The following CSMD1 variants were observed in gnomAD, a reference collection of about 807,000 sequenced individuals.
The protein encoded by CSMD1 is CUB and sushi domain-containing protein 1.
A neutral mutation model predicts 417.5 loss-of-function variants in CSMD1; 213 were observed. The ratio of observed to expected loss-of-function variants is 0.51; its 90% confidence interval spans 0.46 to 0.57. CSMD1 has a LOEUF of 0.57. Among genes scored for constraint, CSMD1 ranks in the 20% least tolerant of loss-of-function variants. The pLI, the probability that CSMD1 is intolerant of heterozygous loss-of-function variation, is 0.00. For missense variants in CSMD1, 6,923 were observed against 4,529.7 expected (o/e 1.53, Z -15.17); for synonymous variants, 2,862 against 1,736.8 (o/e 1.65, Z -16.11).
intron 1 of CSMD1, among the ~76,000 whole-genome samples, chr8:4,953,975 A>G (rs562581207): frequency 3.0e-4 from 46 of 152,274 alleles, no homozygotes; most frequent in African/African-American, 1.1e-3. Context: ...AAGAAATACT[A>G]CCGAGATTAC....
At chr8:4,781,265 T>G (rs1197463203) in intron 1 of CSMD1, among the ~76,000 whole-genome samples, 1 of 152,190 alleles carries the variant, frequency 6.6e-6, no homozygotes, top group Non-Finnish European at 1.5e-5. Flanking sequence ...AATGCCCTCC[T>G]GCAGTGGATC....
At chr8:3,670,945 G>GA (rs1471715751) in intron 7 of CSMD1, among the ~76,000 whole-genome samples, 14 of 120,288 alleles carry the variant, frequency 1.2e-4, no homozygotes, top group East Asian at 4.7e-4. Context: ...ATATGTATGG[G>GA]TATATGTGTA....
intron 1 of CSMD1, among the ~76,000 whole-genome samples, chr8:4,753,994 A>C (rs1171056337): frequency 6.6e-6 from 1 of 152,204 alleles, no homozygotes; most frequent in Non-Finnish European, 1.5e-5. Context: ...AAGAGTAAAA[A>C]TAGTCTGCCC....
chr8:4,560,238 T>C (rs1161939810), intron 2 of CSMD1, among the ~76,000 whole-genome samples: 1 of 152,260 alleles, frequency 6.6e-6, no homozygotes, highest in African/African-American at 2.4e-5. Context: ...TTTGCTCATT[T>C]CCTGCCAAAG....
intron 6 of CSMD1, among the ~76,000 whole-genome samples, chr8:3,717,989 T>C (rs1186572097): frequency 1.3e-5 from 2 of 152,216 alleles, no homozygotes; most frequent in Admixed American, 1.3e-4. Context: ...TTACTTCACC[T>C]GATGTAAATA....
At chr8:4,116,324 C>T (rs1447546430) in intron 3 of CSMD1, among the ~76,000 whole-genome samples, 1 of 152,142 alleles carries the variant, frequency 6.6e-6, no homozygotes, top group Non-Finnish European at 1.5e-5. Flanking sequence ...GGTGAAACCA[C>T]TCTGTATGAT....
At chr8:4,531,201 G>A (rs925699656) in intron 2 of CSMD1, among the ~76,000 whole-genome samples, 2 of 152,246 alleles carry the variant, frequency 1.3e-5, no homozygotes, top group African/African-American at 4.8e-5. Context: ...AATCAGTGAC[G>A]TACAGTTGTT....
At chr8:4,497,639 G>T (rs920784847) in intron 2 of CSMD1, among the ~76,000 whole-genome samples, 2 of 152,154 alleles carry the variant, frequency 1.3e-5, no homozygotes, top group African/African-American at 2.4e-5. Context: ...GGTAAGAATG[G>T]GAACTCGTGC....
chr8:4,750,516 T>C (rs550215222), intron 1 of CSMD1, among the ~76,000 whole-genome samples: 1 of 152,172 alleles, frequency 6.6e-6, no homozygotes, highest in Non-Finnish European at 1.5e-5. Flanking sequence ...TATTTTAATG[T>C]TAAGATTTTC....
intron 16 of CSMD1, among the ~76,000 whole-genome samples, chr8:3,396,886 A>C (rs1440501188): frequency 6.6e-6 from 1 of 152,180 alleles, no homozygotes; most frequent in Non-Finnish European, 1.5e-5. Flanking sequence ...TTCCTGAAAA[A>C]AAAAATCCTG....
intron 3 of CSMD1, among the ~76,000 whole-genome samples, chr8:4,132,357 T>G (rs1803162234): frequency 6.6e-6 from 1 of 152,196 alleles, no homozygotes; most frequent in Admixed American, 6.5e-5. Flanking sequence ...CTGTATTTCT[T>G]GTAGAATACA....
intron 3 of CSMD1, among the ~76,000 whole-genome samples, chr8:4,186,546 G>A (rs781345158): frequency 3.3e-5 from 5 of 152,068 alleles, no homozygotes; most frequent in African/African-American, 9.7e-5. Context: ...AGCATTATAC[G>A]AATATAAAAG....
At chr8:3,913,665 C>A (rs1393623324) in intron 5 of CSMD1, among the ~76,000 whole-genome samples, 4 of 152,084 alleles carry the variant, frequency 2.6e-5, no homozygotes, top group Non-Finnish European at 5.9e-5. Context: ...GGGTCAGGGC[C>A]ATCGAAATAT....
At chr8:3,413,111 TAAAG>T (rs1812919451) in intron 12 of CSMD1, among the ~76,000 whole-genome samples, 1 of 152,168 alleles carries the variant, frequency 6.6e-6, no homozygotes, top group South Asian at 2.1e-4. Flanking sequence ...CCATGAGAAT[TAAAG>T]AATAAGATTC....
intron 2 of CSMD1, among the ~76,000 whole-genome samples, chr8:4,583,160 C>T (rs563724166): frequency 1.3e-5 from 2 of 152,310 alleles, no homozygotes; most frequent in East Asian, 1.9e-4. Flanking sequence ...CGAGCACCAT[C>T]CTCTGCTCCA....
intron 1 of CSMD1, among the ~76,000 whole-genome samples, chr8:4,761,883 C>G (rs1266264135): frequency 1.3e-5 from 1 of 76,132 alleles, no homozygotes; most frequent in Non-Finnish European, 2.8e-5. Context: ...ATCTATCTAT[C>G]TATCTACCTA....
At chr8:3,974,105 C>T (rs1286829757) in intron 5 of CSMD1, among the ~76,000 whole-genome samples, 1 of 152,006 alleles carries the variant, frequency 6.6e-6, no homozygotes, top group East Asian at 1.9e-4. Context: ...TTTCTAATTA[C>T]TTTTTGTACC....
At chr8:4,278,968 A>G (rs1162735951) in intron 3 of CSMD1, among the ~76,000 whole-genome samples, 2 of 152,208 alleles carry the variant, frequency 1.3e-5, no homozygotes, top group East Asian at 1.9e-4. Context: ...ATGTCCATAT[A>G]TGAAATAAGA....
rs1806448088 is a variant in CSMD1, at chr8:4,920,991, AAAGAAAAG to A, written c.85+73333_85+73340del. ...GAAAGAAAGAAAGAAACAAAGAAAGAAAGAAAAGAAAGAAAGAAAGAAAAGAAAGAAAG... is the reference window on the plus strand; with the variant it reads ...GAAAGAAAGAAAGAAACAAAGAAAGAAAAGAAAGAAAGAAAAGAAAGAAAG... On this transcript the variant is annotated intron_variant, in intron 1 of 69. Transcript: ENST00000635120. Among the ~76,000 whole-genome samples, 9 of 56,368 alleles carry A rather than the reference AAAGAAAAG, an allele frequency of 1.6e-4. 2 individuals are homozygous for A. Among genetic ancestry groups the A allele is most frequent in the East Asian group, 4.0e-4 (1 of 2,486 alleles). The allele number at this position is 56,368 out of a possible 152,430, so 37.0% of individuals were successfully genotyped here.
Sources: allele counts gnomAD v4.1 joint callset (sites outside exome capture counted in the v4.1 genomes callset), GRCh38; gene constraint gnomAD v4.1.1; transcripts MANE v1.5; gene names NCBI Gene and HGNC (gene_info 2026-07-23, HGNC 2026-07-21).